Variants in MYH16 observed in about 807,000 individuals in gnomAD.
MYH16 encodes putative uncharacterized protein MYH16.
chr7:99,275,332 A>G (rs1219013107), intron 20 of MYH16, among the ~76,000 whole-genome samples: 2 of 152,106 alleles, frequency 1.3e-5, no homozygotes, highest in Non-Finnish European at 2.9e-5. Flanking sequence ...GCGTCTTGCT[A>G]CATTACCCCA....
At chr7:99,275,212 G>A (rs1264306988) in intron 20 of MYH16, among the ~76,000 whole-genome samples, 1 of 151,922 alleles carries the variant, frequency 6.6e-6, no homozygotes, top group Non-Finnish European at 1.5e-5. Context: ...TGCCCAGGCT[G>A]GTCTCAAACT....
At chr7:99,298,768 T>C (rs935152619) in intron 36 of MYH16, among the ~76,000 whole-genome samples, 9 of 85,862 alleles carry the variant, frequency 1.0e-4, no homozygotes, top group African/African-American at 7.8e-4. Context: ...GTCTTGTCGC[T>C]TTTTTTTTTT....
At chr7:99,279,401 C>A (rs1792168939) in intron 21 of MYH16, 109 bp from the exon 4 acceptor site, 2 of 368,780 alleles carry the variant, frequency 5.4e-6, no homozygotes, top group East Asian at 7.4e-5. Context: ...GATAGCCCAG[C>A]CCCTTGTCCA....
At chr7:99,288,200 G>A (rs1332153800) in intron 29 of MYH16, 63 bp downstream of exon 10, 1 of 441,794 alleles carries the variant, frequency 2.3e-6, no homozygotes, top group Non-Finnish European at 4.6e-6. Flanking sequence ...CACTTTGGGA[G>A]GCTGAGGCAG....
At chr7:99,293,753 G>C (rs1792427508) in intron 32 of MYH16, among the ~76,000 whole-genome samples, 1 of 152,172 alleles carries the variant, frequency 6.6e-6, no homozygotes, top group Non-Finnish European at 1.5e-5. Context: ...TGTTAGGGCA[G>C]GTATCCTAGC....
chr7:99,272,538 A>G (rs937550996), intron 19 of MYH16, among the ~76,000 whole-genome samples: 1 of 152,000 alleles, frequency 6.6e-6, no homozygotes, highest in Non-Finnish European at 1.5e-5. Context: ...GGAGTTTGAG[A>G]CCAGCCTGGG....
At chr7:99,251,577 C>CA (rs1362969523) in intron 6 of MYH16, among the ~76,000 whole-genome samples, 1 of 152,086 alleles carries the variant, frequency 6.6e-6, no homozygotes, top group Non-Finnish European at 1.5e-5. Context: ...ACAGGGTTAA[C>CA]TTTTTTTTGT....
At chr7:99,292,232 C>T (rs1403807401) in intron 31 of MYH16, 80 bp from the exon 13 acceptor site, 2 of 396,522 alleles carry the variant, frequency 5.0e-6, no homozygotes, top group South Asian at 3.5e-5. Flanking sequence ...CACTGCTGCT[C>T]CAGTGTTACG....
At chr7:99,255,398 T>C (rs1157952368) in intron 8 of MYH16, among the ~76,000 whole-genome samples, 1 of 147,664 alleles carries the variant, frequency 6.8e-6, no homozygotes, top group Non-Finnish European at 1.5e-5. Flanking sequence ...CAGTGAGCTA[T>C]GATTGTGCCA....
At chr7:99,299,921 A>T (rs548443045) in intron 37 of MYH16, among the ~76,000 whole-genome samples, 2 of 143,560 alleles carry the variant, frequency 1.4e-5, no homozygotes, top group African/African-American at 5.4e-5. Flanking sequence ...CTAGATTTTT[A>T]TTTTATTTTA....
chr7:99,300,551 C>T (rs1792575721), intron 37 of MYH16, among the ~76,000 whole-genome samples: 1 of 152,086 alleles, frequency 6.6e-6, no homozygotes. Flanking sequence ...ACATGTAGTC[C>T]CAGCTACTCA....
At position 99,296,720 on chromosome 7, in the gene MYH16, C is replaced by T. The variant is rs1452383208; in HGVS notation, n.4302C>T. The stretch of plus-strand genomic sequence containing the variant: ...CCCTAGGCCAATGCTGCAGCTGCTG[C>T]CCTGGACAAGAAGCAGAGGCTCTTT... On this transcript the variant is annotated non_coding_transcript_exon_variant, in exon 34 of 42. Transcript: ENST00000439784. The T allele has an allele frequency of 6.6e-6, 3 of 455,942 alleles. No individual in the cohort carries two copies. The Admixed American group carries it at 7.1e-5, about 11-fold the overall frequency. The allele number at this position is 455,942 out of a possible 1,614,324, so 28.2% of individuals were successfully genotyped here. A position where few individuals can be genotyped will look rare whatever the true frequency, so the allele number is the denominator to read the frequency against.
intron 19 of MYH16, among the ~76,000 whole-genome samples, chr7:99,272,270 G>A (rs577341646): frequency 3.2e-4 from 49 of 152,254 alleles, no homozygotes; most frequent in Non-Finnish European, 5.1e-4. Context: ...GCTATGAGAG[G>A]GGCATGGTAG....
chr7:99,264,382 A>T (rs1584344962), intron 15 of MYH16: 1 of 152,698 alleles, frequency 6.5e-6, no homozygotes, highest in Non-Finnish European at 1.5e-5. Context: ...CAGGGGCAGG[A>T]TGATTTCATT....
intron 2 of MYH16, among the ~76,000 whole-genome samples, chr7:99,246,039 C>T (rs1791724680): frequency 6.6e-6 from 1 of 151,630 alleles, no homozygotes; most frequent in Admixed American, 6.6e-5. Flanking sequence ...CCCGTCTCTA[C>T]AAAAACAATT....
chr7:99,279,163 C>A (rs1792164747), intron 21 of MYH16, among the ~76,000 whole-genome samples: 1 of 151,870 alleles, frequency 6.6e-6, no homozygotes, highest in Non-Finnish European at 1.5e-5. Flanking sequence ...TGCACCCCAG[C>A]CTGGGTGACA....
chr7:99,283,868 T>C lies in MYH16; in HGVS notation n.3080-5T>C. 1 of 455,184 alleles carries C rather than the reference T, an allele frequency of 2.2e-6. No homozygotes were observed. Among genetic ancestry groups the C allele is most frequent in the Non-Finnish European group, 4.4e-6 (1 of 226,102 alleles). The allele number at this position is 455,184 out of a possible 1,614,324, so 28.2% of individuals were successfully genotyped here. A position where few individuals can be genotyped will look rare whatever the true frequency, so the allele number is the denominator to read the frequency against. ...TACCTTCTCTTGCTGTTCTTGTCTC[T>C]GTAGCTGGAGGATAACTGGGAGCAG... is the stretch of plus-strand genomic sequence containing the variant. On this transcript the variant is annotated splice_region_variant and splice_polypyrimidine_tract_variant and intron_variant and non_coding_transcript_variant, in intron 24 of 41. Transcript: ENST00000439784.
At chr7:99,245,542 G>T (rs2150805326) in intron 2 of MYH16, among the ~76,000 whole-genome samples, 1 of 152,048 alleles carries the variant, frequency 6.6e-6, no homozygotes, top group South Asian at 2.1e-4. Flanking sequence ...TTGTTTGTTT[G>T]TTTGAGATGG....
At chr7:99,253,272 G>C (rs1791831876) in intron 7 of MYH16, 1 of 150,238 alleles carries the variant, frequency 6.7e-6, no homozygotes, top group Non-Finnish European at 1.5e-5. Flanking sequence ...CTTTGAACCT[G>C]GGAGGCAGAG....
Sources: gnomAD v4.1 joint callset for allele counts (sites outside exome capture counted in the v4.1 genomes callset) on GRCh38, gnomAD v4.1.1 for gene constraint, MANE v1.5 for transcripts, NCBI Gene and HGNC (gene_info 2026-07-23, HGNC 2026-07-21) for gene names.